ATP10A: variants seen among roughly 807,000 people sequenced by gnomAD.
The protein encoded by ATP10A is ATPase phospholipid transporting 10A (putative).
ATP10A carries 111 observed loss-of-function variants against 147.8 expected under a neutral mutation model. That is an observed-to-expected ratio of 0.75 (90% CI 0.64 to 0.88). The LOEUF (loss-of-function observed/expected upper bound fraction) is 0.88. ATP10A is among the 40% of genes least tolerant of loss of function. The pLI is 0.00. For missense variants in ATP10A, 1,927 were observed against 1,959.0 expected (o/e 0.98, Z 0.31); for synonymous variants, 875 against 841.6 (o/e 1.04, Z -0.69).
chr15:25,677,294 A>G (rs976080261), downstream of ATP10A: 4 of 152,120 alleles, frequency 2.6e-5, no homozygotes, highest in Admixed American at 2.6e-4. Context: ...ATAGATTGTT[A>G]TTGTGGATTT....
At position 25,707,972 on chromosome 15, in the gene ATP10A, T is replaced by A. The variant is rs923764607; in HGVS notation, c.2575+4A>T. The A allele has an allele frequency of 6.2e-7, 1 of 1,613,798 alleles. No homozygotes were observed. The highest frequency in any genetic ancestry group is 8.5e-7 in the Non-Finnish European group (1 of 1,179,732). On this transcript the variant is annotated splice_donor_region_variant and intron_variant, in intron 12 of 20. Coordinates refer to ENST00000555815, the MANE Select transcript of ATP10A (RefSeq NM_024490.4). ...CTTAGGCATGCGACTCTCAAGTTAA[T>A]TACCTAACAAGTGCAGGTTGGTCTC...
chr15:25,737,978 T>C (rs1181671487), intron 2 of ATP10A, among the ~76,000 whole-genome samples: 1 of 152,194 alleles, frequency 6.6e-6, no homozygotes, highest in African/African-American at 2.4e-5. Context: ...TAAACTTCCG[T>C]TGCTTAAGCA....
intron 1 of ATP10A, among the ~76,000 whole-genome samples, chr15:25,797,762 A>G (rs557407702): frequency 3.2e-4 from 48 of 152,180 alleles, no homozygotes; most frequent in African/African-American, 1.2e-3. Flanking sequence ...GCACATCACC[A>G]GGAGACTGCC....
At chr15:25,692,672 C>A (rs1900101519) in intron 14 of ATP10A, among the ~76,000 whole-genome samples, 1 of 152,152 alleles carries the variant, frequency 6.6e-6, no homozygotes, top group Non-Finnish European at 1.5e-5. Flanking sequence ...ACAGCTTTCC[C>A]CAGAATGTCC....
chr15:25,719,006 G>A (rs926711887), intron 7 of ATP10A, among the ~76,000 whole-genome samples: 5 of 152,190 alleles, frequency 3.3e-5, no homozygotes, highest in African/African-American at 1.2e-4. Context: ...CCATGACCTG[G>A]TGAACGCTGG....
chr15:25,743,290 T>G (rs909212367), intron 2 of ATP10A, among the ~76,000 whole-genome samples: 1 of 152,162 alleles, frequency 6.6e-6, no homozygotes, highest in Admixed American at 6.5e-5. Flanking sequence ...AAATGTGAAA[T>G]TCTAAAGCAC....
intron 2 of ATP10A, among the ~76,000 whole-genome samples, chr15:25,767,881 C>A (rs572466284): frequency 1.3e-5 from 2 of 152,228 alleles, no homozygotes; most frequent in African/African-American, 2.4e-5. Context: ...GGGACCCTTG[C>A]GGGCCCTCTG....
chr15:25,724,243 T>C (rs1321956571), intron 5 of ATP10A, among the ~76,000 whole-genome samples: 1 of 152,116 alleles, frequency 6.6e-6, no homozygotes, highest in Non-Finnish European at 1.5e-5. Context: ...ACACTGAGAG[T>C]TTCCCATTGT....
rs372578624 is a variant in ATP10A, at chr15:25,706,500, C to T, written c.2575+1476G>A. Reference sequence around the variant, plus strand: ...ATTGAGCCACTTGCCCCAGGCTGTCCGATCAGCCTGCATGACCAGCCCGCA... The same window carrying T: ...ATTGAGCCACTTGCCCCAGGCTGTCTGATCAGCCTGCATGACCAGCCCGCA... On this transcript the variant is annotated intron_variant, in intron 12 of 20. Coordinates refer to ENST00000555815, the MANE Select transcript of ATP10A (RefSeq NM_024490.4). Among the ~76,000 whole-genome samples the T allele has an allele frequency of 1.6e-4, 24 of 152,306 alleles. No homozygotes were observed. The East Asian group carries it at 3.5e-3, about 22-fold the overall frequency.
At chr15:25,849,049 A>G (rs1206212678) in intron 1 of ATP10A, among the ~76,000 whole-genome samples, 1 of 151,964 alleles carries the variant, frequency 6.6e-6, no homozygotes. Context: ...CCTTGGTGAG[A>G]GGAGGGAGAG....
At position 25,680,257 on chromosome 15, in the gene ATP10A, C is replaced by G. The variant is rs777442267; in HGVS notation, c.3730G>C (p.Val1244Leu). The G allele has an allele frequency of 3.7e-6, 6 of 1,613,934 alleles. No homozygotes were observed. The highest frequency in any genetic ancestry group is 2.7e-5 in the African/African-American group (2 of 74,858). Residue 1244 changes from valine to leucine, a missense_variant, in exon 20 of 21, where the codon GTG becomes CTG. Val to Leu is a conservative substitution (Grantham distance 32). Coordinates refer to ENST00000555815, the MANE Select transcript of ATP10A (RefSeq NM_024490.4). ...CGFSVLLFFT[V>L]ALIYNASCAT... ...CAAGACGCATTGTAAATCAAAGCCACGGTGAAAAACAAAAGGACACTGAAG... is the reference window on the plus strand; with the variant it reads ...CAAGACGCATTGTAAATCAAAGCCAGGGTGAAAAACAAAAGGACACTGAAG...
intron 5 of ATP10A, among the ~76,000 whole-genome samples, chr15:25,724,970 C>A (rs1902452593): frequency 6.6e-6 from 1 of 152,140 alleles, no homozygotes; most frequent in Non-Finnish European, 1.5e-5. Context: ...TATAAGTAAC[C>A]TAGAGGTGAT....
intron 2 of ATP10A, among the ~76,000 whole-genome samples, chr15:25,761,364 C>T (rs1325084473): frequency 1.3e-5 from 2 of 152,224 alleles, no homozygotes; most frequent in Non-Finnish European, 2.9e-5. Context: ...AGTTAATTGA[C>T]TCACACTTAC....
At chr15:25,731,040 G>C (rs1390092657) in intron 3 of ATP10A, among the ~76,000 whole-genome samples, 1 of 152,192 alleles carries the variant, frequency 6.6e-6, no homozygotes, top group Non-Finnish European at 1.5e-5. Flanking sequence ...GGCAGGAGGG[G>C]GCAGGGACCC....
At position 25,714,084 on chromosome 15, in the gene ATP10A, G is replaced by T. The variant is rs755990319; in HGVS notation, c.1934C>A (p.Pro645Gln). The change falls in exon 10 of 21, where the codon CCG (proline) becomes CAG (glutamine). Residue 645 changes from proline to glutamine, a missense_variant. Coordinates refer to ENST00000555815, the MANE Select transcript of ATP10A (RefSeq NM_024490.4). ...CCTGAGAAGCATGCCGTCGCTGGAC[G>T]GGGTGGACGGGAAGCTGGAGCCCAA... ...HKLGSSFPST[P>Q]SSDGMLLRLE... is the part of the protein sequence containing the mutation. 6 of 1,613,294 alleles carry T rather than the reference G, an allele frequency of 3.7e-6. No homozygotes were observed. In the Admixed American group the frequency reaches 8.3e-5, roughly 22 times the overall value.
intron 15 of ATP10A, among the ~76,000 whole-genome samples, chr15:25,691,382 A>T (rs1027565263): frequency 3.3e-5 from 5 of 152,188 alleles, no homozygotes; most frequent in Non-Finnish European, 7.3e-5. Context: ...GTTCACGGAC[A>T]GTAAAAAGTG....
In ATP10A at chr15:25,691,915, TG is replaced by T. The variant is rs11315673; in HGVS notation, c.3089-125del. 1,585 of 1,126,512 alleles carry T rather than the reference TG, an allele frequency of 1.4e-3. 14 individuals carry two copies. In the African/African-American group the frequency reaches 0.02, roughly 14 times the overall value. The allele number at this position is 1,126,512 out of a possible 1,614,324, so 69.8% of individuals were successfully genotyped here. On this transcript the variant is annotated intron_variant, in intron 14 of 20. Transcript: ENST00000555815. ...TCCTGTGAAAGCGTCCTGGGGAAGA[TG>T]GGGGAAAAAGGAGTAGAGCATCCAC... is the stretch of plus-strand genomic sequence containing the variant.
intron 2 of ATP10A, among the ~76,000 whole-genome samples, chr15:25,776,232 T>C (rs1438249455): frequency 2.0e-5 from 3 of 152,202 alleles, no homozygotes; most frequent in Non-Finnish European, 4.4e-5. Context: ...TCTGAACGTA[T>C]GCACCTTCGT....
At chr15:25,748,057 G>C (rs1887941013) in intron 2 of ATP10A, among the ~76,000 whole-genome samples, 1 of 152,142 alleles carries the variant, frequency 6.6e-6, no homozygotes, top group East Asian at 1.9e-4. Flanking sequence ...CTGCCTCCCG[G>C]GTTCATGCCA....
Sources: gnomAD v4.1 joint callset for allele counts (sites outside exome capture counted in the v4.1 genomes callset) on GRCh38, gnomAD v4.1.1 for gene constraint, MANE v1.5 for transcripts, NCBI Gene and HGNC (gene_info 2026-07-23, HGNC 2026-07-21) for gene names.